MED17: variants seen among roughly 807,000 people sequenced by gnomAD.
MED17 encodes mediator complex subunit 17.
MED17 carries 49 observed loss-of-function variants against 80.8 expected under a neutral mutation model. That is an observed-to-expected ratio of 0.61 (90% CI 0.48 to 0.77). MED17 has a LOEUF of 0.77. Among genes scored for constraint, MED17 ranks in the 30% least tolerant of loss-of-function variants. The pLI, the probability that MED17 is intolerant of heterozygous loss-of-function variation, is 0.00. For synonymous variants in MED17, 281 were observed against 280.4 expected, an observed-to-expected ratio of 1.00 and a Z score of -0.02; for missense variants, 718 against 787.0, an observed-to-expected ratio of 0.91 and a Z score of 1.05.
intron 8 of MED17, among the ~76,000 whole-genome samples, chr11:93,798,408 T>A (rs1187537582): frequency 6.6e-6 from 1 of 152,270 alleles, no homozygotes. Flanking sequence ...TTTGTAATTA[T>A]GCCTTGGTAG....
At chr11:93,810,790 G>T (rs1944079071) in intron 11 of MED17, 1 of 152,214 alleles carries the variant, frequency 6.6e-6, no homozygotes, top group South Asian at 2.1e-4. Context: ...AGCGCTTATG[G>T]TTTTAGTGTG....
intron 1 of MED17, among the ~76,000 whole-genome samples, chr11:93,786,831 G>T (rs1457928347): frequency 3.9e-5 from 6 of 152,120 alleles, no homozygotes; most frequent in African/African-American, 1.4e-4. Context: ...TTAACCTGCA[G>T]AAAAAGTTGC....
At chr11:93,794,491 A>C in intron 5 of MED17, 1 of 256,218 alleles carries the variant, frequency 3.9e-6, no homozygotes, top group Non-Finnish European at 7.5e-6. Flanking sequence ...GGCATGAGCC[A>C]CCAGCACCTT....
Position 93,784,734 on chromosome 11 carries a change from G to T in MED17, c.221G>T (p.Gly74Val), listed in dbSNP as rs1269352951. 1 of 1,543,198 alleles carries T rather than the reference G, an allele frequency of 6.5e-7. No homozygotes were observed. The highest frequency in any genetic ancestry group is 1.2e-5 in the South Asian group (1 of 84,272). The change falls in exon 1 of 12, where the codon GGG becomes GTG. Residue 74 changes from glycine (G) to valine (V), a missense_variant. Transcript: ENST00000251871. ...GACGCGCAGGAGTGGCCGGGCGCCG[G>T]GTCCAGCGCAGACCAGGACGACGAG... ...EGDAQEWPGAGSSADQDDEEG... is the reference protein window; with the variant it reads ...EGDAQEWPGAVSSADQDDEEG...
In MED17 at chr11:93,794,056, C is replaced by T. The variant is rs767576786; in HGVS notation, c.859+21C>T. ...ACCAGGTATGGTTATGTTCTATTCT[C>T]TAATTTCTGGTCTTATTTGAGCTGA... On this transcript the variant is annotated intron_variant, in intron 5 of 11. Transcript: ENST00000251871. 12 of 1,573,422 alleles carry T rather than the reference C, an allele frequency of 7.6e-6. No individual in the cohort carries two copies. The East Asian group carries it at 2.7e-4, about 35-fold the overall frequency.
rs761506308 is a variant in MED17 at position 93,796,482 on chromosome 11, A to T, written c.1085A>T (p.Gln362Leu). ...TCCCAAAAATTTGCTACTGAGAAGC[A>T]ATGTCCGGAGGACCACCTTTATGTC... ...KKSQKFATEKQCPEDHLYVLE... is the reference protein window; with the variant it reads ...KKSQKFATEKLCPEDHLYVLE... The change falls in exon 7 of 12, where the codon CAA (glutamine) becomes CTA (leucine). Residue 362 changes from glutamine to leucine, a missense_variant. Coordinates refer to ENST00000251871, the MANE Select transcript of MED17 (RefSeq NM_004268.5). 4 of 1,614,100 alleles carry T rather than the reference A, an allele frequency of 2.5e-6. No individual in the cohort carries two copies. The highest frequency in any genetic ancestry group is 3.4e-6 in the Non-Finnish European group (4 of 1,179,930).
Position 93,784,553 on chromosome 11 carries a change from G to T in MED17, c.40G>T (p.Ala14Ser). 6.2e-7 allele frequency: 1 copy of T among 1,612,500 alleles called. No homozygotes were observed. The stretch of plus-strand genomic sequence containing the variant: ...CGCAGTGCGGATCAGCATCGAATCG[G>T]CCTGCGAGAAGCAGGTCCATGAGGT... ...VRAVRISIES[A>S]CEKQVHEVGL... The change falls in exon 1 of 12, where the codon GCC becomes TCC. Residue 14 changes from alanine (A) to serine (S), a missense_variant. By Grantham distance (99) the Ala-to-Ser change is moderately conservative (BLOSUM62 1). Coordinates refer to ENST00000251871, the MANE Select transcript of MED17 (RefSeq NM_004268.5).
intron 1 of MED17, among the ~76,000 whole-genome samples, chr11:93,786,566 A>G (rs1180834631): frequency 6.6e-6 from 1 of 151,670 alleles, no homozygotes; most frequent in Admixed American, 6.6e-5. Context: ...TCCTGGATTC[A>G]AAACGATTCT....
intron 9 of MED17, among the ~76,000 whole-genome samples, chr11:93,803,999 G>GTATATA (rs1166820708): frequency 0.074 from 1,927 of 25,978 alleles, 24 homozygotes; most frequent in Non-Finnish European, 0.088. Flanking sequence ...ATATGTGTGT[G>GTATATA]TATATATATA....
chr11:93,808,538 A>T (rs1170393463), intron 10 of MED17: 1 of 149,910 alleles, frequency 6.7e-6, no homozygotes, highest in Non-Finnish European at 1.5e-5. Flanking sequence ...GAATTGTGAG[A>T]TATAGGGTAG....
chr11:93,793,867 A>G lies in MED17; in HGVS notation c.774+3A>G, dbSNP rs777010899. On this transcript the variant is annotated splice_donor_region_variant and intron_variant, in intron 4 of 11. Transcript: ENST00000251871. ...TAGAGGGGTCTGCATATATCAAGGT[A>G]TTTGTCAAAATATTTTTCAAGTAAT... is the stretch of plus-strand genomic sequence containing the variant. 3.1e-6 allele frequency: 5 copies of G among 1,613,546 alleles called. No homozygotes were observed. In the South Asian group the frequency reaches 3.3e-5, roughly 11 times the overall value.
intron 3 of MED17, 43 bp downstream of exon 3, chr11:93,790,836 G>A (rs777501533): frequency 6.5e-7 from 1 of 1,545,282 alleles, no homozygotes; most frequent in Non-Finnish European, 8.9e-7. Flanking sequence ...GCCAGGTGTG[G>A]TGGCTCATGC....
At position 93,794,716 on chromosome 11, in the gene MED17, G is replaced by A. The variant is rs1417167483; in HGVS notation, c.860-192G>A. The A allele has an allele frequency of 6.5e-6, 4 of 617,166 alleles. No individual in the cohort carries two copies. The East Asian group carries it at 1.1e-4, about 17-fold the overall frequency. 38.2% of individuals were successfully genotyped at this position (617,166 alleles called of 1,614,324 possible). A position where few individuals can be genotyped will look rare whatever the true frequency, so the allele number is the denominator to read the frequency against. On this transcript the variant is annotated intron_variant, in intron 5 of 11. Coordinates refer to ENST00000251871, the MANE Select transcript of MED17 (RefSeq NM_004268.5). The stretch of plus-strand genomic sequence containing the variant: ...GTGGTGGGGAACTTCTCAATACCCT[G>A]CCGGGATGATTTGTAACACAGTTGG...
intron 11 of MED17, 25 bp from the exon 12 acceptor site, chr11:93,811,828 T>C (rs1378674385): frequency 6.3e-7 from 1 of 1,589,306 alleles, no homozygotes; most frequent in African/African-American, 1.3e-5. Flanking sequence ...CTAGAGTGTA[T>C]TGATATTTTG....
At chr11:93,802,802 G>A (rs867616578) in intron 9 of MED17, among the ~76,000 whole-genome samples, 1 of 152,122 alleles carries the variant, frequency 6.6e-6, no homozygotes, top group Non-Finnish European at 1.5e-5. Context: ...CTGTGAAGGA[G>A]GTAAGATGGT....
intron 8 of MED17, 68 bp downstream of exon 8, chr11:93,797,787 C>A: frequency 1.4e-6 from 2 of 1,408,842 alleles, no homozygotes; most frequent in Non-Finnish European, 2.0e-6. Flanking sequence ...TCTGTTATTT[C>A]ATAACACTTT....
In MED17 at chr11:93,813,232, A is replaced by G. The variant is rs927401595; in HGVS notation, c.*1168A>G. ...AAGGCTTTCAATTTTTAAAACAGAC[A>G]TCCTGCTTTAACAATTTGTAAGATG... is the stretch of plus-strand genomic sequence containing the variant. On this transcript the variant is annotated 3_prime_UTR_variant, in exon 12 of 12. Coordinates refer to ENST00000251871, the MANE Select transcript of MED17 (RefSeq NM_004268.5). The G allele has an allele frequency of 2.0e-5, 3 of 152,202 alleles. No individual in the cohort carries two copies. The highest frequency in any genetic ancestry group is 7.2e-5 in the African/African-American group (3 of 41,454). The allele number at this position is 152,202 out of a possible 1,614,324, so 9.4% of individuals were successfully genotyped here. A position where few individuals can be genotyped will look rare whatever the true frequency, so the allele number is the denominator to read the frequency against.
rs867569767 is a variant in MED17 at position 93,813,020 on chromosome 11, A to G, written c.*956A>G. The G allele has an allele frequency of 4.6e-5, 7 of 152,194 alleles. No homozygotes were observed. Among genetic ancestry groups the G allele is most frequent in the African/African-American group, 1.7e-4 (7 of 41,428 alleles). The allele number at this position is 152,194 out of a possible 1,614,324, so 9.4% of individuals were successfully genotyped here. The stretch of plus-strand genomic sequence containing the variant: ...TGCTTTCTCCAATTAAGGCCTTTCC[A>G]TCAGCTCTCTGCTTTTTCAAAGCGA... On this transcript the variant is annotated 3_prime_UTR_variant, in exon 12 of 12. Transcript: ENST00000251871.
In MED17 at chr11:93,812,035, A is replaced by G. The variant is rs761959231; in HGVS notation, c.1927A>G (p.Met643Val). 1.6e-5 allele frequency: 26 copies of G among 1,614,020 alleles called. No homozygotes were observed. In the Admixed American group the frequency reaches 2.2e-4, roughly 13 times the overall value. The stretch of plus-strand genomic sequence containing the variant: ...TTTTGTTTATAAAATGGAGCTGCTT[A>G]TGTCTGCACTTAGCCCTTGTCTACT... ...RNFVYKMELLMSALSPCLL is the reference protein window; with the variant it reads ...RNFVYKMELLVSALSPCLL The change falls in exon 12 of 12, where the codon ATG becomes GTG. Residue 643 changes from methionine (M) to valine (V), a missense_variant. Met to Val is a conservative substitution (Grantham distance 21, BLOSUM62 1). Coordinates refer to ENST00000251871, the MANE Select transcript of MED17 (RefSeq NM_004268.5).
Sources: gnomAD v4.1 joint callset for allele counts (sites outside exome capture counted in the v4.1 genomes callset) on GRCh38, gnomAD v4.1.1 for gene constraint, MANE v1.5 for transcripts, NCBI Gene and HGNC (gene_info 2026-07-23, HGNC 2026-07-21) for gene names.